The following ASIC2 variants were observed in gnomAD, a reference collection of about 807,000 sequenced individuals.
ASIC2 encodes the protein acid-sensing ion channel 2.
A neutral mutation model predicts 57.3 loss-of-function variants in ASIC2; 25 were observed. That is an observed-to-expected ratio of 0.44 (90% CI 0.32 to 0.61). The LOEUF is 0.61. Among genes scored for constraint, ASIC2 ranks in the 20% least tolerant of loss-of-function variants. ASIC2 has a pLI of 0.06. For synonymous variants in ASIC2, 319 were observed against 307.5 expected (o/e 1.04, Z -0.39); for missense variants, 641 against 738.1 (o/e 0.87, Z 1.52).
At chr17:33,485,792 T>C (rs1469590091) in intron 1 of ASIC2, among the ~76,000 whole-genome samples, 1 of 152,192 alleles carries the variant, frequency 6.6e-6, no homozygotes, top group Non-Finnish European at 1.5e-5. Context: ...AAACACTCAG[T>C]GTGAAATGTC....
At chr17:33,019,943 C>G (rs993144301) in intron 7 of ASIC2, among the ~76,000 whole-genome samples, 1 of 151,960 alleles carries the variant, frequency 6.6e-6, no homozygotes, top group Non-Finnish European at 1.5e-5. Context: ...AGAGGCCTGT[C>G]CTGGGTCCTC....
At chr17:33,193,515 C>A (rs1906509992) in intron 1 of ASIC2, among the ~76,000 whole-genome samples, 1 of 152,176 alleles carries the variant, frequency 6.6e-6, no homozygotes, top group Non-Finnish European at 1.5e-5. Flanking sequence ...TGGAGGCCTG[C>A]CCTCTGTCTG....
chr17:33,386,981 CAG>C (rs1428310935), intron 1 of ASIC2, among the ~76,000 whole-genome samples: 1 of 151,692 alleles, frequency 6.6e-6, no homozygotes, highest in Non-Finnish European at 1.5e-5. Flanking sequence ...TGTGTTTTGA[CAG>C]AGTTTTGCTG....
intron 1 of ASIC2, among the ~76,000 whole-genome samples, chr17:33,839,576 A>C (rs1029559171): frequency 6.6e-6 from 1 of 152,144 alleles, no homozygotes; most frequent in Non-Finnish European, 1.5e-5. Context: ...TAGGGTGACC[A>C]ATTGTCCCCA....
chr17:33,699,131 C>T (rs1337808879), intron 1 of ASIC2, among the ~76,000 whole-genome samples: 2 of 152,160 alleles, frequency 1.3e-5, no homozygotes, highest in Non-Finnish European at 2.9e-5. Flanking sequence ...CCTGAAATCA[C>T]CTCCAAGGAC....
intron 1 of ASIC2, chr17:34,071,185 T>C (rs1598006742): frequency 6.6e-6 from 1 of 152,232 alleles, no homozygotes; most frequent in African/African-American, 2.4e-5. Context: ...ATATGTAGAA[T>C]AGAGTAGATA....
At chr17:33,341,862 T>C (rs1907733361) in intron 1 of ASIC2, among the ~76,000 whole-genome samples, 1 of 152,084 alleles carries the variant, frequency 6.6e-6, no homozygotes, top group Non-Finnish European at 1.5e-5. Flanking sequence ...AAGTTGAAGG[T>C]TTGCCCTGGC....
chr17:33,933,987 G>A (rs1214821298), intron 1 of ASIC2, among the ~76,000 whole-genome samples: 7 of 152,230 alleles, frequency 4.6e-5, no homozygotes, highest in Non-Finnish European at 8.8e-5. Flanking sequence ...TCAACAGAAC[G>A]TATTTGATTC....
intron 1 of ASIC2, among the ~76,000 whole-genome samples, chr17:33,302,351 A>G (rs1905994425): frequency 6.6e-6 from 1 of 152,224 alleles, no homozygotes; most frequent in Admixed American, 6.5e-5. Flanking sequence ...ATAAAACCCA[A>G]GGTAGAATGA....
chr17:33,710,502 G>T (rs1908995012), intron 1 of ASIC2, among the ~76,000 whole-genome samples: 1 of 152,184 alleles, frequency 6.6e-6, no homozygotes, highest in African/African-American at 2.4e-5. Context: ...ACGTGGGTCA[G>T]GTCTGCAATC....
At chr17:33,913,812 A>G (rs537279647) in intron 1 of ASIC2, among the ~76,000 whole-genome samples, 1 of 152,354 alleles carries the variant, frequency 6.6e-6, no homozygotes, top group African/African-American at 2.4e-5. Flanking sequence ...GTAATTGTTG[A>G]CGATACTTTT....
chr17:33,657,408 G>A (rs1212930598), intron 1 of ASIC2, among the ~76,000 whole-genome samples: 1 of 152,158 alleles, frequency 6.6e-6, no homozygotes, highest in Non-Finnish European at 1.5e-5. Flanking sequence ...AGCTGGGACT[G>A]GCCGACCCTA....
chr17:34,082,273 A>T (rs1909913927), intron 1 of ASIC2: 1 of 152,136 alleles, frequency 6.6e-6, no homozygotes, highest in African/African-American at 2.4e-5. Flanking sequence ...GAAGTCAGTG[A>T]TCTCTAGGTA....
At chr17:33,692,930 T>C (rs1908419116) in intron 1 of ASIC2, among the ~76,000 whole-genome samples, 1 of 152,234 alleles carries the variant, frequency 6.6e-6, no homozygotes, top group Admixed American at 6.5e-5. Context: ...TATGTATATG[T>C]AAATCAATCG....
At chr17:33,672,001 T>G (rs1907653265) in intron 1 of ASIC2, among the ~76,000 whole-genome samples, 1 of 151,992 alleles carries the variant, frequency 6.6e-6, no homozygotes, top group South Asian at 2.1e-4. Context: ...TCAGTTCACT[T>G]TTCCCCCCCT....
At chr17:33,479,426 A>G (rs1368510656) in intron 1 of ASIC2, among the ~76,000 whole-genome samples, 2 of 152,166 alleles carry the variant, frequency 1.3e-5, no homozygotes, top group Middle Eastern at 3.2e-3. Flanking sequence ...TCTTGTGGCC[A>G]TGTGTGGCCC....
At chr17:33,922,839 T>G (rs540642678) in intron 1 of ASIC2, among the ~76,000 whole-genome samples, 10 of 152,066 alleles carry the variant, frequency 6.6e-5, no homozygotes, top group Non-Finnish European at 1.2e-4. Flanking sequence ...GAATGGCAAG[T>G]GTAAGAATTA....
chr17:33,856,413 A>G (rs1242649821), intron 1 of ASIC2, among the ~76,000 whole-genome samples: 1 of 54,402 alleles, frequency 1.8e-5, no homozygotes, highest in African/African-American at 5.9e-5. Context: ...CAGTATCAGT[A>G]GTAACAGTAG....
rs1280542832 is a variant in ASIC2, at chr17:33,992,489, G to T, written c.555+163489C>A. ...CCAACAGCCTTCATTTGGGATTTCA[G>T]TTAACTGTGCACACATGTGTCTTTT... On this transcript the variant is annotated intron_variant, in intron 1 of 9. Transcript: ENST00000359872. Among the ~76,000 whole-genome samples, 10 of 152,180 alleles carry T rather than the reference G, an allele frequency of 6.6e-5. No individual in the cohort carries two copies. The South Asian group carries it at 1.4e-3, about 22-fold the overall frequency.
Sources: gnomAD v4.1 joint callset for allele counts (sites outside exome capture counted in the v4.1 genomes callset) on GRCh38, gnomAD v4.1.1 for gene constraint, MANE v1.5 for transcripts, NCBI Gene and HGNC (gene_info 2026-07-23, HGNC 2026-07-21) for gene names.